KNTC1: variants seen among roughly 807,000 people sequenced by gnomAD.
The protein encoded by KNTC1 is kinetochore associated 1.
Under a neutral mutation model 314.4 loss-of-function variants are expected in KNTC1, and 253 were observed. The observed-to-expected ratio is 0.80, with a 90% CI of 0.73 to 0.89. The LOEUF (loss-of-function observed/expected upper bound fraction) is 0.89, where lower values mean the gene tolerates loss of function less well. KNTC1 is among the 40% of genes least tolerant of loss of function. The probability of loss-of-function intolerance (pLI) is 0.00; values close to 1 mark genes in which losing one functional copy is unlikely to be tolerated. For synonymous variants in KNTC1, 901 were observed against 901.4 expected (o/e 1.00, Z 0.01); for missense variants, 2,475 against 2,572.9 (o/e 0.96, Z 0.82).
At chr12:122,550,741 G>A (rs1446121246) in intron 13 of KNTC1, among the ~76,000 whole-genome samples, 1 of 152,126 alleles carries the variant, frequency 6.6e-6, no homozygotes, top group East Asian at 1.9e-4. Flanking sequence ...GAGCTCAAGT[G>A]AGCTTCCTGG....
intron 42 of KNTC1, among the ~76,000 whole-genome samples, chr12:122,592,286 C>G (rs999323596): frequency 6.6e-6 from 1 of 152,246 alleles, no homozygotes; most frequent in Non-Finnish European, 1.5e-5. Flanking sequence ...GACTGCAGCC[C>G]GCCATGCCTG....
chr12:122,571,854 G>A (rs180854413), intron 24 of KNTC1, among the ~76,000 whole-genome samples: 188 of 151,764 alleles, frequency 1.2e-3, no homozygotes, highest in Admixed American at 2.8e-3. Flanking sequence ...TATACTTTTA[G>A]TAGAGACGGG....
At chr12:122,560,647 C>G (rs1040336022) in intron 18 of KNTC1, among the ~76,000 whole-genome samples, 1 of 152,200 alleles carries the variant, frequency 6.6e-6, no homozygotes, top group African/African-American at 2.4e-5. Flanking sequence ...GCTGGGATTA[C>G]AGGCGTGAGC....
rs184864051 is a variant in KNTC1, at chr12:122,602,747, G to C, written c.4825+7G>C. On this transcript the variant is annotated splice_region_variant and intron_variant, in intron 46 of 63. Coordinates refer to ENST00000333479, the MANE Select transcript of KNTC1 (RefSeq NM_014708.6). Reference sequence around the variant, plus strand: ...AACTTCTGGAAAATTCTCTGTATGTGTTCATTAACTTTTTATGAATTTTAC... The same window carrying C: ...AACTTCTGGAAAATTCTCTGTATGTCTTCATTAACTTTTTATGAATTTTAC... 3.1e-6 allele frequency: 5 copies of C among 1,612,716 alleles called. No homozygotes were observed. Among genetic ancestry groups the C allele is most frequent in the South Asian group, 1.1e-5 (1 of 90,780 alleles).
At chr12:122,545,978 A>G (rs984860729) in intron 8 of KNTC1, among the ~76,000 whole-genome samples, 198 bp from the exon 9 acceptor site, 5 of 151,862 alleles carry the variant, frequency 3.3e-5, no homozygotes, top group Non-Finnish European at 4.4e-5. Flanking sequence ...TGTAATAACC[A>G]TGAATTCCAA....
intron 19 of KNTC1, among the ~76,000 whole-genome samples, 173 bp from the exon 20 acceptor site, chr12:122,562,439 TTGTGTGTGTGTGTGTGTGTGTGTGTG>T (rs4039211): frequency 6.9e-6 from 1 of 145,084 alleles, no homozygotes; most frequent in East Asian, 2.0e-4. Flanking sequence ...ATCCCATGTT[TTGTGTGTGTGTGTGTGTGTGTGTGTG>T]TGTGTGTGTG....
At chr12:122,555,555 A>T (rs1382903112) in intron 16 of KNTC1, among the ~76,000 whole-genome samples, 1 of 151,856 alleles carries the variant, frequency 6.6e-6, no homozygotes, top group Admixed American at 6.6e-5. Context: ...CTGTCTCAAA[A>T]ATAAAAAAGA....
At position 122,577,029 on chromosome 12, in the gene KNTC1, G is replaced by A; in HGVS notation, c.2721G>A (p.Gln907=). 2 of 1,513,170 alleles carry A rather than the reference G, an allele frequency of 1.3e-6. No individual in the cohort carries two copies. The highest frequency in any genetic ancestry group is 1.8e-6 in the Non-Finnish European group (2 of 1,134,664). The allele number at this position is 1,513,170 out of a possible 1,614,324, so 93.7% of individuals were successfully genotyped here. Residue 907 remains glutamine (Q), a splice_region_variant and synonymous_variant, in exon 30 of 64, where the codon CAG becomes CAA. Transcript: ENST00000333479. ...LRIIDLIDRE[Q]GEDCLLLLKS... is the part of the protein sequence containing the mutation. ...TTATTGACCTGATTGATAGAGAACA[G>A]GTTTGTAAGTTTTATGTTGTCATTT...
At chr12:122,546,413 G>C in intron 9 of KNTC1, 144 bp downstream of exon 9, 1 of 666,936 alleles carries the variant, frequency 1.5e-6, no homozygotes, top group East Asian at 2.7e-5. Context: ...TTCACATACA[G>C]AACAGTTCTT....
rs766959688 is a variant in KNTC1 at position 122,603,290 on chromosome 12, A to C, written c.5101+47A>C. 3.4e-6 allele frequency: 4 copies of C among 1,186,044 alleles called. No individual in the cohort carries two copies. In the East Asian group the frequency reaches 1.0e-4, roughly 30 times the overall value. 73.5% of individuals were successfully genotyped at this position (1,186,044 alleles called of 1,614,324 possible). A position where few individuals can be genotyped will look rare whatever the true frequency, so the allele number is the denominator to read the frequency against. ...TTGTAGTTAAAAAAAAAAAAAAAGT[A>C]CTCTTTTTGCATCTTTAAGGAGAAG... is the stretch of plus-strand genomic sequence containing the variant. On this transcript the variant is annotated intron_variant, in intron 48 of 63. Transcript: ENST00000333479.
In KNTC1 at chr12:122,576,956, T is replaced by C. The variant is rs534177397; in HGVS notation, c.2648T>C (p.Val883Ala). ...TCTTCTTTAGAAGATGCTTTAAAGG[T>C]AGCCCAAGCGTTTATGTTATCTGAT... is the stretch of plus-strand genomic sequence containing the variant. ...VPSSLEDALKVAQAFMLSDDE... is the reference protein window; with the variant it reads ...VPSSLEDALKAAQAFMLSDDE... Residue 883 changes from valine to alanine, a missense_variant, in exon 30 of 64, where the codon GTA becomes GCA. Val to Ala is a moderately conservative substitution (Grantham distance 64). Transcript: ENST00000333479. The C allele has an allele frequency of 6.3e-7, 1 of 1,599,296 alleles. No individual in the cohort carries two copies. Among genetic ancestry groups the C allele is most frequent in the African/African-American group, 1.3e-5 (1 of 74,560 alleles).
intron 42 of KNTC1, among the ~76,000 whole-genome samples, chr12:122,592,341 C>T (rs1870365177): frequency 6.6e-6 from 1 of 152,198 alleles, no homozygotes; most frequent in African/African-American, 2.4e-5. Context: ...CCGAGCCTCC[C>T]CGACAAATGC....
chr12:122,537,685 TG>T (rs1352545915), intron 3 of KNTC1, among the ~76,000 whole-genome samples: 1 of 151,922 alleles, frequency 6.6e-6, no homozygotes, highest in East Asian at 2.0e-4. Flanking sequence ...CCCAAAGTGC[TG>T]GGGTTACAGG....
Position 122,605,039 on chromosome 12 carries a change from C to T in KNTC1, c.5338C>T (p.Pro1780Ser). Residue 1780 changes from proline to serine, a missense_variant, in exon 50 of 64, where the codon CCT becomes TCT. Transcript: ENST00000333479. ...AHLIVSLYEH[P>S]SINQRIQNSS... is the part of the protein sequence containing the mutation. ...TCTTATTGTCAGTCTCTACGAACAT[C>T]CTAGCATCAATCAAAGAATTCAGAA... 6.2e-7 allele frequency: 1 copy of T among 1,613,044 alleles called. No homozygotes were observed. The highest frequency in any genetic ancestry group is 2.2e-5 in the East Asian group (1 of 44,882).
intron 52 of KNTC1, 146 bp downstream of exon 52, chr12:122,609,576 C>G (rs1022728605): frequency 1.7e-6 from 1 of 578,032 alleles, no homozygotes; most frequent in African/African-American, 1.9e-5. Context: ...TTCACTAATA[C>G]GTGGCTAGGA....
At chr12:122,607,166 C>T (rs1360884652) in intron 51 of KNTC1, among the ~76,000 whole-genome samples, 3 of 152,222 alleles carry the variant, frequency 2.0e-5, no homozygotes, top group South Asian at 2.1e-4. Flanking sequence ...TGGGTTCAAG[C>T]GAGTCTCATG....
At chr12:122,573,816 G>C (rs1280999591) in intron 26 of KNTC1, among the ~76,000 whole-genome samples, 3 of 152,178 alleles carry the variant, frequency 2.0e-5, no homozygotes, top group African/African-American at 7.2e-5. Context: ...AGATAATGCA[G>C]CTGTCTCAGT....
chr12:122,586,974 C>G (rs981020935), intron 38 of KNTC1, among the ~76,000 whole-genome samples: 3 of 152,110 alleles, frequency 2.0e-5, no homozygotes, highest in Admixed American at 1.3e-4. Flanking sequence ...GCCACCACGC[C>G]GAGCTAGTTC....
At chr12:122,577,369 A>G (rs576726341) in intron 30 of KNTC1, among the ~76,000 whole-genome samples, 1 of 152,278 alleles carries the variant, frequency 6.6e-6, no homozygotes, top group South Asian at 2.1e-4. Context: ...GCTGTCATCA[A>G]AAATGGATTT....
Sources: gnomAD v4.1 joint callset for allele counts (sites outside exome capture counted in the v4.1 genomes callset) on GRCh38, gnomAD v4.1.1 for gene constraint, MANE v1.5 for transcripts, NCBI Gene and HGNC (gene_info 2026-07-23, HGNC 2026-07-21) for gene names.